Variants in BNIP2 observed in about 807,000 individuals in gnomAD.
BNIP2 encodes BCL2/adenovirus E1B 19 kDa protein-interacting protein 2.
In BNIP2, 36 loss-of-function variants were observed where a neutral mutation model predicts 43.4. The ratio of observed to expected loss-of-function variants is 0.83; its 90% CI spans 0.64 to 1.10. BNIP2 has a LOEUF of 1.10. Ranked by LOEUF, BNIP2 falls within the 50% of genes least tolerant of loss-of-function variation. The pLI, the probability that BNIP2 is intolerant of heterozygous loss-of-function variation, is 0.00. For synonymous variants in BNIP2, 146 were observed against 121.0 expected, an observed-to-expected ratio of 1.21 and a Z score of -1.35; for missense variants, 417 against 374.1, an observed-to-expected ratio of 1.11 and a Z score of -0.95.
intron 5 of BNIP2, among the ~76,000 whole-genome samples, chr15:59,674,779 A>G (rs1475726724): frequency 6.6e-6 from 1 of 152,208 alleles, no homozygotes; most frequent in Non-Finnish European, 1.5e-5. Flanking sequence ...ACTATTTACA[A>G]TGTGCCTAGG....
intron 3 of BNIP2, 65 bp downstream of exon 3, chr15:59,680,168 TGGACAAAG>T: frequency 8.4e-7 from 1 of 1,188,314 alleles, no homozygotes; most frequent in Middle Eastern, 2.3e-4. Flanking sequence ...TTTTTTTTTT[TGGACAAAG>T]AAACGTGTTT....
At chr15:59,689,014 A>C in intron 1 of BNIP2, 121 bp downstream of exon 1, 2 of 1,446,256 alleles carry the variant, frequency 1.4e-6, no homozygotes, top group Non-Finnish European at 1.8e-6. Flanking sequence ...TACCAAGGGT[A>C]ACTCTCTGGG....
intron 5 of BNIP2, among the ~76,000 whole-genome samples, chr15:59,675,522 A>C (rs2142003656): frequency 6.6e-6 from 1 of 151,920 alleles, no homozygotes; most frequent in African/African-American, 2.4e-5. Context: ...AGGCAGGAGA[A>C]TCCCTTGAAC....
intron 5 of BNIP2, among the ~76,000 whole-genome samples, chr15:59,674,884 G>A (rs537297179): frequency 1.3e-5 from 2 of 152,172 alleles, no homozygotes; most frequent in Non-Finnish European, 2.9e-5. Context: ...CTTAAGCCTT[G>A]TATTTTTGTA....
intron 9 of BNIP2, among the ~76,000 whole-genome samples, chr15:59,666,592 G>C (rs1323982494): frequency 2.0e-5 from 3 of 152,066 alleles, no homozygotes; most frequent in Admixed American, 1.3e-4. Context: ...GCTTGAACCC[G>C]GGAGGCAGAG....
chr15:59,681,442 C>T (rs1326244792), intron 2 of BNIP2, among the ~76,000 whole-genome samples: 5 of 146,044 alleles, frequency 3.4e-5, no homozygotes, highest in African/African-American at 1.0e-4. Flanking sequence ...TGGGGGGGAA[C>T]CCACAAATTT....
intron 4 of BNIP2, 191 bp from the exon 5 acceptor site, chr15:59,678,278 TG>T: frequency 7.6e-7 from 1 of 1,315,940 alleles, no homozygotes; most frequent in Non-Finnish European, 9.7e-7. Context: ...TTGGAAATCA[TG>T]GTTCTTTAAC....
chr15:59,686,903 G>A (rs1894052214), intron 1 of BNIP2, among the ~76,000 whole-genome samples: 1 of 152,174 alleles, frequency 6.6e-6, no homozygotes, highest in Non-Finnish European at 1.5e-5. Flanking sequence ...TGTAATCCAA[G>A]CGATCAGGGA....
At chr15:59,681,190 G>A (rs193287617) in intron 2 of BNIP2, among the ~76,000 whole-genome samples, 123 of 152,266 alleles carry the variant, frequency 8.1e-4, no homozygotes, top group African/African-American at 2.8e-3. Context: ...TCAGGTCTCC[G>A]ATCAGCTGTC....
intron 1 of BNIP2, among the ~76,000 whole-genome samples, chr15:59,685,487 G>C (rs569158982): frequency 6.6e-6 from 1 of 152,076 alleles, no homozygotes; most frequent in Non-Finnish European, 1.5e-5. Context: ...GGTGACAAAG[G>C]GAGACTCTGT....
At chr15:59,666,172 G>A (rs1201033368) in intron 9 of BNIP2, among the ~76,000 whole-genome samples, 1 of 151,968 alleles carries the variant, frequency 6.6e-6, no homozygotes, top group Non-Finnish European at 1.5e-5. Flanking sequence ...CTGTCACTGG[G>A]GACACTGGAT....
At chr15:59,687,360 T>TG (rs1894089422) in intron 1 of BNIP2, among the ~76,000 whole-genome samples, 1 of 151,386 alleles carries the variant, frequency 6.6e-6, no homozygotes, top group African/African-American at 2.4e-5. Flanking sequence ...TCCTTTTTTT[T>TG]TTTTTTTTTG....
Position 59,659,978 on chromosome 15 carries a change from G to C in BNIP2, c.*4091C>G, listed in dbSNP as rs554606614. 1 of 152,204 alleles carries C rather than the reference G, an allele frequency of 6.6e-6. No individual in the cohort carries two copies. The highest frequency in any genetic ancestry group is 2.1e-4 in the South Asian group (1 of 4,820). The allele number at this position is 152,204 out of a possible 1,614,324, so 9.4% of individuals were successfully genotyped here. A position where few individuals can be genotyped will look rare whatever the true frequency, so the allele number is the denominator to read the frequency against. ...AACTTCAAAGGAAAGTTACATAACT[G>C]GGTCTCACCATTGATCTGATTCTAA... On this transcript the variant is annotated 3_prime_UTR_variant, in exon 10 of 10. Transcript: ENST00000607373.
intron 5 of BNIP2, among the ~76,000 whole-genome samples, chr15:59,674,944 T>A (rs1371763641): frequency 6.6e-6 from 1 of 152,182 alleles, no homozygotes; most frequent in Non-Finnish European, 1.5e-5. Flanking sequence ...TGGAGTGAAC[T>A]AGTTCTCTAT....
At chr15:59,679,370 G>T in intron 4 of BNIP2, 1 of 389,860 alleles carries the variant, frequency 2.6e-6, no homozygotes, top group East Asian at 4.8e-5. Context: ...AAATATTTTT[G>T]AAACAGCTAT....
At chr15:59,683,470 C>T (rs1893823544) in intron 1 of BNIP2, among the ~76,000 whole-genome samples, 1 of 152,124 alleles carries the variant, frequency 6.6e-6, no homozygotes, top group Admixed American at 6.5e-5. Flanking sequence ...TTTGCAGTAA[C>T]ATATTTAAGA....
intron 2 of BNIP2, among the ~76,000 whole-genome samples, chr15:59,681,148 T>C (rs1183755654): frequency 6.6e-6 from 1 of 152,206 alleles, no homozygotes; most frequent in Admixed American, 6.5e-5. Context: ...AGCATTCCTA[T>C]ATTTACTATC....
At chr15:59,678,773 T>C (rs1473662207) in intron 4 of BNIP2, 4 of 1,301,916 alleles carry the variant, frequency 3.1e-6, no homozygotes, top group Admixed American at 4.6e-5. Flanking sequence ...GGGGGAAACC[T>C]ACTGCATGTT....
rs188717420 is a variant in BNIP2 at position 59,682,970 on chromosome 15, T to A, written c.-57-456A>T. On this transcript the variant is annotated intron_variant, in intron 1 of 9. Coordinates refer to ENST00000607373, the MANE Select transcript of BNIP2 (RefSeq NM_004330.4). ...CTCATGATTCAGCAGAGTCAGGTGG[T>A]GTGCTGTCTTTCATATTTCCTTCTC... Among the ~76,000 whole-genome samples the A allele has an allele frequency of 2.6e-4, 39 of 152,324 alleles. No homozygotes were observed. The East Asian group carries it at 6.9e-3, about 27-fold the overall frequency.
Sources: allele counts gnomAD v4.1 joint callset (sites outside exome capture counted in the v4.1 genomes callset), GRCh38; gene constraint gnomAD v4.1.1; transcripts MANE v1.5; gene names NCBI Gene and HGNC (gene_info 2026-07-23, HGNC 2026-07-21).